SRR: variants seen among roughly 807,000 people sequenced by gnomAD.
SRR encodes the protein D-serine ammonia-lyase.
In SRR, 19 loss-of-function variants were observed where a neutral mutation model predicts 32.7. The observed-to-expected ratio is 0.58, with a 90% confidence interval of 0.40 to 0.85. The LOEUF is 0.85. Among genes scored for constraint, SRR ranks in the 40% least tolerant of loss-of-function variants. The pLI, the probability that SRR is intolerant of heterozygous loss-of-function variation, is 0.00. For synonymous variants in SRR, 142 were observed against 140.9 expected, an observed-to-expected ratio of 1.01 and a Z score of -0.06; for missense variants, 373 against 404.7, an observed-to-expected ratio of 0.92 and a Z score of 0.67.
At chr17:2,311,006 A>G (rs1296439787) in intron 1 of SRR, among the ~76,000 whole-genome samples, 1 of 150,778 alleles carries the variant, frequency 6.6e-6, no homozygotes, top group African/African-American at 2.4e-5. Context: ...TCAGCCTCCC[A>G]AAGTGCTGGG....
chr17:2,315,306 G>A (rs529038098), intron 1 of SRR: 6 of 307,160 alleles, frequency 2.0e-5, no homozygotes, highest in South Asian at 1.1e-4. Context: ...AGAGATGGGT[G>A]GTGTGGGTGG....
At chr17:2,312,626 T>C (rs898499951) in intron 1 of SRR, among the ~76,000 whole-genome samples, 1 of 152,026 alleles carries the variant, frequency 6.6e-6, no homozygotes, top group East Asian at 1.9e-4. Context: ...CATAACTAAA[T>C]TGACATAAAA....
At position 2,321,542 on chromosome 17, in the gene SRR, G is replaced by A. The variant is rs147900333; in HGVS notation, c.520G>A (p.Val174Ile). The change falls in exon 6 of 8, where the codon GTT (valine) becomes ATT (isoleucine). Residue 174 changes from valine (V) to isoleucine (I), a missense_variant and splice_region_variant. Transcript: ENST00000344595. The stretch of plus-strand genomic sequence containing the variant: ...CTTACAGTTTATATTTTCACTAAAG[G>A]TTCCTTTGGTGGATGCACTGGTGGT... ...GTIALEVLNQ[V>I]PLVDALVVPV... 3.7e-6 allele frequency: 6 copies of A among 1,613,932 alleles called. No homozygotes were observed. The highest frequency in any genetic ancestry group is 1.3e-5 in the African/African-American group (1 of 74,904).
chr17:2,321,147 G>A (rs1257561378), intron 4 of SRR, among the ~76,000 whole-genome samples, 159 bp from the exon 5 acceptor site: 8 of 152,070 alleles, frequency 5.3e-5, no homozygotes, highest in Non-Finnish European at 1.0e-4. Context: ...ACAATATAAC[G>A]TGCTTGAGGG....
At chr17:2,306,805 C>A (rs1472816634) in intron 1 of SRR, 36 of 734,372 alleles carry the variant, frequency 4.9e-5, no homozygotes, top group Non-Finnish European at 8.4e-5. Context: ...GCTGAAGAAG[C>A]TCTTCATTGG....
chr17:2,303,639 T>A (rs1341996200), upstream of SRR: 1 of 1,483,838 alleles, frequency 6.7e-7, no homozygotes, highest in South Asian at 1.3e-5. Context: ...TCACCTCTGC[T>A]CCCGGCCTGC....
chr17:2,313,067 C>T (rs1338751871), intron 1 of SRR, among the ~76,000 whole-genome samples: 6 of 152,172 alleles, frequency 3.9e-5, no homozygotes, highest in Non-Finnish European at 5.9e-5. Context: ...GCCGGGACTA[C>T]CAGTGTGTGT....
chr17:2,303,841 C>T, upstream of SRR: 1 of 802,690 alleles, frequency 1.2e-6, no homozygotes, highest in Non-Finnish European at 1.8e-6. Flanking sequence ...CCCCTGCCGC[C>T]CTCCCTTTCC....
upstream of SRR, chr17:2,303,453 G>GA (rs1442621387): frequency 6.6e-5 from 86 of 1,303,870 alleles, 1 homozygote; most frequent in South Asian, 1.7e-3. Context: ...GGCCGAGCCC[G>GA]ACCCCGCACT....
At position 2,324,530 on chromosome 17, in the gene SRR, C is replaced by A; in HGVS notation, c.*657C>A. On this transcript the variant is annotated 3_prime_UTR_variant, in exon 8 of 8. Transcript: ENST00000344595. ...TAAAGGTTCCTTGATATGTCCTCTC[C>A]GGCCCCACTTCGTTCTCAGTTCCAC... 6.2e-7 allele frequency: 1 copy of A among 1,614,208 alleles called. No homozygotes were observed. The highest frequency in any genetic ancestry group is 1.6e-4 in the Middle Eastern group (1 of 6,062).
intron 2 of SRR, among the ~76,000 whole-genome samples, chr17:2,317,409 A>G (rs1331379494): frequency 6.7e-6 from 1 of 149,140 alleles, no homozygotes; most frequent in Non-Finnish European, 1.5e-5. Context: ...CTACTCGAGA[A>G]GCTGAGGCAG....
chr17:2,306,079 A>C (rs1273799643), intron 1 of SRR, among the ~76,000 whole-genome samples: 1 of 149,948 alleles, frequency 6.7e-6, no homozygotes, highest in East Asian at 2.1e-4. Flanking sequence ...GCACTTTGGG[A>C]GGCCGAGGTG....
At chr17:2,309,798 G>A (rs1363094788) in intron 1 of SRR, 1 of 152,116 alleles carries the variant, frequency 6.6e-6, no homozygotes, top group Non-Finnish European at 1.5e-5. Context: ...CCTGGCCACT[G>A]GTCCTGGGCC....
At position 2,323,141 on chromosome 17, in the gene SRR, G is replaced by A. The variant is rs759520245; in HGVS notation, c.600G>A (p.Leu200=). ...CTTAATATTCCTCTTCCCAGGCTCT[G>A]AAACCTAGTGTGAAGGTATATGCTG... The part of the protein sequence containing the change: ...LAGIAITVKA[L]KPSVKVYAAE... Residue 200 remains leucine (L), a synonymous_variant, in exon 7 of 8, where the codon CTG becomes CTA. Coordinates refer to ENST00000344595, the MANE Select transcript of SRR (RefSeq NM_021947.3). 6.2e-7 allele frequency: 1 copy of A among 1,614,182 alleles called. No individual in the cohort carries two copies. Among genetic ancestry groups the A allele is most frequent in the South Asian group, 1.1e-5 (1 of 91,082 alleles).
intron 1 of SRR, chr17:2,307,018 A>G: frequency 7.2e-7 from 1 of 1,387,664 alleles, no homozygotes; most frequent in South Asian, 1.2e-5. Context: ...TGTGGAACCA[A>G]AGAGAGCTGT....
At chr17:2,322,271 G>GT (rs1000210601) in intron 6 of SRR, among the ~76,000 whole-genome samples, 92 of 152,154 alleles carry the variant, frequency 6.0e-4, no homozygotes, top group African/African-American at 2.1e-3. Flanking sequence ...CACAAAAGCA[G>GT]TTACAAGTGA....
At chr17:2,322,823 G>A (rs746378687) in intron 6 of SRR, 109 of 342,030 alleles carry the variant, frequency 3.2e-4, no homozygotes, top group Non-Finnish European at 5.5e-4. Context: ...ACCCCATTTT[G>A]GTGTGATCTC....
Position 2,317,967 on chromosome 17 carries a change from A to G in SRR, c.266A>G (p.Gln89Arg), listed in dbSNP as rs769869816. 1.2e-6 allele frequency: 2 copies of G among 1,614,006 alleles called. No individual in the cohort carries two copies. The highest frequency in any genetic ancestry group is 1.7e-6 in the Non-Finnish European group (2 of 1,179,914). The change falls in exon 3 of 8, where the codon CAG becomes CGG. Residue 89 changes from glutamine (Q) to arginine (R), a missense_variant. Transcript: ENST00000344595. Reference sequence around the variant, plus strand: ...ACTCACAGCAGTGGAAACCATGGCCAGGCTCTCACCTATGCTGCCAAATTG... The same window carrying G: ...ACTCACAGCAGTGGAAACCATGGCCGGGCTCTCACCTATGCTGCCAAATTG... ...VVTHSSGNHG[Q>R]ALTYAAKLEG...
chr17:2,303,581 G>A (rs1156875406), upstream of SRR: 5 of 1,376,250 alleles, frequency 3.6e-6, no homozygotes, highest in Middle Eastern at 2.6e-4. Context: ...AGGAGGAGGA[G>A]AGGGAGGCGG....
Sources: gnomAD v4.1 joint callset for allele counts (sites outside exome capture counted in the v4.1 genomes callset) on GRCh38, gnomAD v4.1.1 for gene constraint, MANE v1.5 for transcripts, NCBI Gene and HGNC (gene_info 2026-07-23, HGNC 2026-07-21) for gene names.